NBDY: variants seen among roughly 807,000 people sequenced by gnomAD.
The protein encoded by NBDY is negative regulator of P-body association.
intron 2 of NBDY, among the ~76,000 whole-genome samples, chrX:56,745,776 G>A (rs773821307): frequency 3.3e-4 from 36 of 108,787 alleles, no homozygotes; most frequent in Non-Finnish European, 5.3e-4. Context: ...CATTTTTGAT[G>A]AGTCCAGGTA....
At chrX:56,748,101 G>T (rs866679454) in intron 2 of NBDY, among the ~76,000 whole-genome samples, 35 of 110,919 alleles carry the variant, frequency 3.2e-4, no homozygotes, top group African/African-American at 1.1e-3. Context: ...ATTGAATCAG[G>T]TCTACCCAAA....
chrX:56,736,293 G>C (rs1602648063), intron 2 of NBDY, among the ~76,000 whole-genome samples: 1 of 111,714 alleles, frequency 9.0e-6, no homozygotes, highest in African/African-American at 3.3e-5. Flanking sequence ...TTTTGAGACA[G>C]AGCCACTGTC....
At chrX:56,731,078 G>A (rs1202589074) in intron 1 of NBDY, among the ~76,000 whole-genome samples, 1 of 109,733 alleles carries the variant, frequency 9.1e-6, no homozygotes, top group Admixed American at 9.7e-5. Flanking sequence ...GACAACTTTG[G>A]CGACCAAAAA....
chrX:56,733,833 T>C (rs1302338811), intron 2 of NBDY, among the ~76,000 whole-genome samples: 3 of 112,293 alleles, frequency 2.7e-5, no homozygotes, highest in Non-Finnish European at 5.6e-5. Flanking sequence ...AGGATTTGGT[T>C]ATGACAATTT....
intron 2 of NBDY, among the ~76,000 whole-genome samples, chrX:56,794,193 A>G (rs2069779876): frequency 9.0e-6 from 1 of 111,344 alleles, no homozygotes; most frequent in Non-Finnish European, 1.9e-5. Flanking sequence ...GGTCGGGGAA[A>G]CCCTGGCTCA....
chrX:56,808,296 C>A (rs2069865166), intron 2 of NBDY, among the ~76,000 whole-genome samples: 1 of 111,872 alleles, frequency 8.9e-6, no homozygotes, highest in South Asian at 3.8e-4. Context: ...AGGATTCCCT[C>A]TTTTTCTATT....
chrX:56,787,757 A>G (rs1338936738), intron 2 of NBDY, among the ~76,000 whole-genome samples: 1 of 112,295 alleles, frequency 8.9e-6, no homozygotes, highest in Non-Finnish European at 1.9e-5. Context: ...GTGAAAGCAG[A>G]GTCAGACTTG....
chrX:56,788,783 G>T (rs977531509), intron 2 of NBDY, among the ~76,000 whole-genome samples: 1 of 112,445 alleles, frequency 8.9e-6, no homozygotes, highest in African/African-American at 3.2e-5. Flanking sequence ...ATGGCTGGGG[G>T]GCAGCTTCAC....
chrX:56,792,910 A>T (rs774659122), intron 2 of NBDY, among the ~76,000 whole-genome samples: 13 of 111,167 alleles, frequency 1.2e-4, no homozygotes, highest in Non-Finnish European at 2.3e-4. Flanking sequence ...TTAAAAACGG[A>T]CCCTGCAACC....
In NBDY at chrX:56,741,615, A is replaced by T. The variant is rs145813436; in HGVS notation, c.*166+9416A>T. 2.8e-3 allele frequency among the ~76,000 whole-genome samples: 313 copies of T among 112,106 alleles called. 2 individuals are homozygous for T. The highest frequency in any genetic ancestry group is 9.7e-3 in the African/African-American group (300 of 31,010). On this transcript the variant is annotated intron_variant, in intron 2 of 2. Coordinates refer to ENST00000374922, the MANE Select transcript of NBDY (RefSeq NM_001348129.2). ...TCAACTACAATGAGTACTTTTTCACATGCCTGTTTGCCATTTGTATATCTT... is the reference window on the plus strand; with the variant it reads ...TCAACTACAATGAGTACTTTTTCACTTGCCTGTTTGCCATTTGTATATCTT...
At chrX:56,761,840 T>C (rs1411645632) in intron 2 of NBDY, among the ~76,000 whole-genome samples, 1 of 112,319 alleles carries the variant, frequency 8.9e-6, no homozygotes, top group Non-Finnish European at 1.9e-5. Context: ...CCTAGTGCCA[T>C]AGGTGGCTGA....
chrX:56,740,708 T>G (rs1234816188), intron 2 of NBDY, among the ~76,000 whole-genome samples: 2 of 111,363 alleles, frequency 1.8e-5, no homozygotes, highest in Non-Finnish European at 3.8e-5. Context: ...AAATTTTTTT[T>G]GTTTGCTGGG....
chrX:56,731,318 T>C (rs2069456837), intron 1 of NBDY, among the ~76,000 whole-genome samples: 1 of 105,366 alleles, frequency 9.5e-6, no homozygotes, highest in Non-Finnish European at 1.9e-5. Context: ...CAGCACTTTG[T>C]GCCGCTGAGG....
chrX:56,731,331 G>A (rs769579193), intron 1 of NBDY, among the ~76,000 whole-genome samples: 1 of 106,958 alleles, frequency 9.3e-6, no homozygotes, highest in Non-Finnish European at 1.9e-5. Context: ...CGCTGAGGTG[G>A]GCAGATCACC....
chrX:56,802,748 C>A (rs2069830110), intron 2 of NBDY, among the ~76,000 whole-genome samples: 1 of 112,725 alleles, frequency 8.9e-6, no homozygotes, highest in African/African-American at 3.2e-5. Context: ...TATCATTTGT[C>A]TTCTATTTTT....
At chrX:56,797,482 C>T (rs780274967) in intron 2 of NBDY, among the ~76,000 whole-genome samples, 23 of 110,115 alleles carry the variant, frequency 2.1e-4, no homozygotes, top group Non-Finnish European at 2.3e-4. Flanking sequence ...AAAAGAACAG[C>T]GATGAAGGTC....
In NBDY at chrX:56,817,741, A is replaced by T. The variant is rs1193338147; in HGVS notation, c.*588A>T. The T allele has an allele frequency of 8.9e-6, 1 of 112,028 alleles. No individual in the cohort carries two copies. Among genetic ancestry groups the T allele is most frequent in the Non-Finnish European group, 1.9e-5 (1 of 53,172 alleles). 9.2% of individuals were successfully genotyped at this position (112,028 alleles called of 1,213,427 possible). On this transcript the variant is annotated 3_prime_UTR_variant, in exon 3 of 3. Transcript: ENST00000374922. Reference sequence around the variant, plus strand: ...TTATTCATTTATTTTAGTGAAAAATATAAGGAAAGTAGAGGAAGGTTAAAT... The same window carrying T: ...TTATTCATTTATTTTAGTGAAAAATTTAAGGAAAGTAGAGGAAGGTTAAAT...
chrX:56,732,420 A>C (rs1390986971), intron 2 of NBDY, among the ~76,000 whole-genome samples: 1 of 111,903 alleles, frequency 8.9e-6, no homozygotes, highest in Non-Finnish European at 1.9e-5. Flanking sequence ...ATTACTGTGA[A>C]ATATATCATC....
intron 2 of NBDY, among the ~76,000 whole-genome samples, chrX:56,782,836 GAC>G (rs1415835257): frequency 4.5e-5 from 5 of 111,418 alleles, no homozygotes; most frequent in African/African-American, 1.6e-4. Context: ...ACAGACCACA[GAC>G]ACAGACACAA....
Sources: gnomAD v4.1 joint callset for allele counts (sites outside exome capture counted in the v4.1 genomes callset) on GRCh38, gnomAD v4.1.1 for gene constraint, MANE v1.5 for transcripts, NCBI Gene and HGNC (gene_info 2026-07-23, HGNC 2026-07-21) for gene names.